SYCP1: variants seen among roughly 807,000 people sequenced by gnomAD.
SYCP1 encodes the protein synaptonemal complex protein 1, also known as cancer/testis antigen 8.
SYCP1 carries 64 observed loss-of-function variants against 153.1 expected under a neutral mutation model. That is an observed-to-expected ratio of 0.42 (90% CI 0.34 to 0.51). The LOEUF (loss-of-function observed/expected upper bound fraction) is 0.51. Among genes scored for constraint, SYCP1 ranks in the 20% least tolerant of loss-of-function variants. The pLI is 0.06. For missense variants in SYCP1, 997 were observed against 1,049.0 expected (o/e 0.95, Z 0.68); for synonymous variants, 384 against 341.8 (o/e 1.12, Z -1.36).
At chr1:114,869,830 G>T (rs1302681550) in intron 8 of SYCP1, among the ~76,000 whole-genome samples, 1 of 152,114 alleles carries the variant, frequency 6.6e-6, no homozygotes, top group Non-Finnish European at 1.5e-5. Flanking sequence ...TTTTCTGCCT[G>T]CTGGGTCTGT....
chr1:114,957,579 TCAAA>T (rs1335046816), intron 27 of SYCP1, among the ~76,000 whole-genome samples: 4 of 151,802 alleles, frequency 2.6e-5, no homozygotes, highest in Non-Finnish European at 5.9e-5. Context: ...TATAAGAAAC[TCAAA>T]CAATTCAATA....
intron 8 of SYCP1, among the ~76,000 whole-genome samples, chr1:114,863,292 G>A (rs992187525): frequency 5.3e-5 from 8 of 152,050 alleles, no homozygotes; most frequent in African/African-American, 7.3e-5. Context: ...CAGGGCTCAC[G>A]CCTGTAGTCC....
At chr1:114,927,856 G>A (rs1292379222) in intron 23 of SYCP1, among the ~76,000 whole-genome samples, 1 of 152,088 alleles carries the variant, frequency 6.6e-6, no homozygotes, top group Non-Finnish European at 1.5e-5. Context: ...TCTCACTCTG[G>A]CACCAAGGCT....
chr1:114,976,485 G>A (rs905320608), intron 27 of SYCP1, among the ~76,000 whole-genome samples: 7 of 151,770 alleles, frequency 4.6e-5, no homozygotes, highest in Non-Finnish European at 4.4e-5. Context: ...TATTAGAAGA[G>A]ACTTTACCAA....
At chr1:114,887,602 A>G (rs1420371392) in intron 14 of SYCP1, 24 bp from the exon 15 acceptor site, 3 of 1,449,090 alleles carry the variant, frequency 2.1e-6, no homozygotes, top group African/African-American at 1.4e-5. Context: ...AATATTTTGT[A>G]TTGAAAATGA....
intron 26 of SYCP1, 148 bp downstream of exon 26, chr1:114,946,529 C>G: frequency 2.4e-6 from 1 of 421,346 alleles, no homozygotes; most frequent in Non-Finnish European, 4.3e-6. Flanking sequence ...CTTCTAGTTA[C>G]ATGTTTTTTT....
At chr1:114,976,584 C>T (rs1211387776) in intron 27 of SYCP1, among the ~76,000 whole-genome samples, 1 of 59,668 alleles carries the variant, frequency 1.7e-5, no homozygotes, top group Non-Finnish European at 5.4e-5. Flanking sequence ...AGCCAAGATA[C>T]ATATTCTGAG....
At chr1:114,950,820 CTCTT>C (rs1671051424) in intron 27 of SYCP1, among the ~76,000 whole-genome samples, 1 of 143,196 alleles carries the variant, frequency 7.0e-6, no homozygotes, top group Non-Finnish European at 1.5e-5. Context: ...TTAAATTACA[CTCTT>C]TTTTTTTTTT....
At chr1:114,871,712 A>G (rs994201072) in intron 8 of SYCP1, among the ~76,000 whole-genome samples, 3 of 134,148 alleles carry the variant, frequency 2.2e-5, no homozygotes, top group African/African-American at 7.8e-5. Flanking sequence ...AGCTGGTATT[A>G]CAGGCGTGTG....
intron 8 of SYCP1, among the ~76,000 whole-genome samples, chr1:114,868,190 A>G (rs1026750916): frequency 2.0e-5 from 3 of 150,188 alleles, no homozygotes; most frequent in Middle Eastern, 3.4e-3. Context: ...TGCAGTGGCT[A>G]TTCACAGGCA....
chr1:114,967,159 G>T (rs1230885472), intron 27 of SYCP1, among the ~76,000 whole-genome samples: 1 of 152,170 alleles, frequency 6.6e-6, no homozygotes, highest in Non-Finnish European at 1.5e-5. Context: ...TGTTGCTTTG[G>T]GGTGGAGAGT....
chr1:114,936,657 T>C lies in SYCP1; in HGVS notation c.1927-7682T>C, dbSNP rs575893001. The stretch of plus-strand genomic sequence containing the variant: ...ATGATTGTATATTTAGAAAACCCCA[T>C]TGTCTCAGCCCCAAATCTCCTTAAG... On this transcript the variant is annotated intron_variant, in intron 23 of 31. Transcript: ENST00000369522. Among the ~76,000 whole-genome samples the C allele has an allele frequency of 5.9e-5, 9 of 152,264 alleles. No homozygotes were observed. The East Asian group carries it at 1.7e-3, about 29-fold the overall frequency.
At chr1:114,975,069 C>T (rs186121662) in intron 27 of SYCP1, among the ~76,000 whole-genome samples, 108 of 151,946 alleles carry the variant, frequency 7.1e-4, no homozygotes, top group Admixed American at 2.5e-3. Context: ...TTGCATTTCT[C>T]ATATGATTAG....
intron 24 of SYCP1, among the ~76,000 whole-genome samples, 188 bp from the exon 25 acceptor site, chr1:114,944,684 A>G (rs957842964): frequency 6.6e-6 from 1 of 151,882 alleles, no homozygotes; most frequent in Non-Finnish European, 1.5e-5. Context: ...TGATTGCCAC[A>G]GTGGTATAGT....
In SYCP1 at chr1:114,994,908, A is replaced by T. The variant is rs959555013; in HGVS notation, c.2820A>T (p.Gly940=). The T allele has an allele frequency of 1.9e-6, 3 of 1,607,664 alleles. No individual in the cohort carries two copies. In the African/African-American group the frequency reaches 4.0e-5, roughly 22 times the overall value. Residue 940 remains glycine (G), a synonymous_variant, in exon 32 of 32, where the codon GGA becomes GGT. Transcript: ENST00000369522. ...KKAPSSLTTP[G]STLKFGAIRK... is the part of the protein sequence containing the mutation. ...CCCCTTCATCTCTAACAACCCCTGG[A>T]TCTACACTGAAGTTTGGAGCTATAA...
intron 8 of SYCP1, among the ~76,000 whole-genome samples, chr1:114,870,227 G>C (rs904754299): frequency 2.0e-5 from 3 of 151,974 alleles, no homozygotes; most frequent in Admixed American, 6.6e-5. Context: ...TGCCTAGGGT[G>C]GTCTCGAACT....
rs1359977936 is a variant in SYCP1, at chr1:114,868,430, G to T, written c.599-6076G>T. On this transcript the variant is annotated intron_variant, in intron 8 of 31. Transcript: ENST00000369522. ...AGCTGGAATTGGGATTATAGGTGTG[G>T]GCCACTGTGTCAGGCTCCTTTTATA... Among the ~76,000 whole-genome samples the T allele has an allele frequency of 5.9e-5, 9 of 152,148 alleles. No homozygotes were observed. The East Asian group carries it at 1.7e-3, about 29-fold the overall frequency.
At chr1:114,860,289 A>T (rs1044141799) in intron 7 of SYCP1, among the ~76,000 whole-genome samples, 9 of 152,186 alleles carry the variant, frequency 5.9e-5, no homozygotes, top group Non-Finnish European at 1.3e-4. Flanking sequence ...CACAGGTCTC[A>T]TCATTCACAT....
chr1:114,904,699 G>T (rs1667704753), intron 16 of SYCP1, among the ~76,000 whole-genome samples: 3 of 152,136 alleles, frequency 2.0e-5, no homozygotes, highest in Non-Finnish European at 4.4e-5. Context: ...ATAGGCATTT[G>T]ATTTCTTTTT....
Sources: allele counts gnomAD v4.1 joint callset (sites outside exome capture counted in the v4.1 genomes callset), GRCh38; gene constraint gnomAD v4.1.1; transcripts MANE v1.5; gene names NCBI Gene and HGNC (gene_info 2026-07-23, HGNC 2026-07-21).